The following SPATA25 variants were observed in gnomAD, a reference collection of about 807,000 sequenced individuals.
SPATA25 encodes the protein spermatogenesis-associated protein 25.
SPATA25 carries 16 observed loss-of-function variants against 16.0 expected under a neutral mutation model. That is an observed-to-expected ratio of 1.00 (90% CI 0.68 to 1.52). SPATA25 has a LOEUF of 1.52. Ranked by LOEUF, SPATA25 falls within the 40% of genes most tolerant of loss-of-function variation. The pLI is 0.00. For missense variants in SPATA25, 285 were observed against 289.2 expected, an observed-to-expected ratio of 0.99 and a Z score of 0.11; for synonymous variants, 115 against 118.5, an observed-to-expected ratio of 0.97 and a Z score of 0.19.
chr20:45,890,565 C>T (rs771490340), upstream of SPATA25: 5 of 1,611,772 alleles, frequency 3.1e-6, no homozygotes, highest in African/African-American at 6.7e-5. Flanking sequence ...TATGGTTCCA[C>T]GAGGAGGGTT....
chr20:45,887,533 C>A lies in SPATA25; in HGVS notation c.55+3G>T, dbSNP rs780712100. On this transcript the variant is annotated splice_donor_region_variant and intron_variant, in intron 1 of 1. Coordinates refer to ENST00000372519, the MANE Select transcript of SPATA25 (RefSeq NM_080608.4). Reference sequence around the variant, plus strand: ...CCTCCAATTGCAGGTGCCCCCCGCTCACCTTGGCCGGAAGGCAGAGGACCT... The same window carrying A: ...CCTCCAATTGCAGGTGCCCCCCGCTAACCTTGGCCGGAAGGCAGAGGACCT... 6.2e-7 allele frequency: 1 copy of A among 1,613,492 alleles called. No individual in the cohort carries two copies. Among genetic ancestry groups the A allele is most frequent in the Non-Finnish European group, 8.5e-7 (1 of 1,179,666 alleles).
upstream of SPATA25, chr20:45,890,466 A>G (rs1352496177): frequency 6.2e-7 from 1 of 1,602,684 alleles, no homozygotes; most frequent in African/African-American, 1.3e-5. Context: ...TTCAGCTCAT[A>G]GAGCTGGTCC....
chr20:45,890,711 G>A (rs759671206), upstream of SPATA25: 19 of 1,613,642 alleles, frequency 1.2e-5, no homozygotes, highest in Non-Finnish European at 1.5e-5. Context: ...GGGAACGGGG[G>A]CCAGACTGGC....
At chr20:45,887,309 C>T (rs1485480948) in intron 1 of SPATA25, among the ~76,000 whole-genome samples, 164 bp from the exon 2 acceptor site, 1 of 152,190 alleles carries the variant, frequency 6.6e-6, no homozygotes, top group African/African-American at 2.4e-5. Context: ...ACTCCCAGTC[C>T]CCAACACGGA....
chr20:45,890,240 G>C (rs780780687), upstream of SPATA25: 9 of 1,613,848 alleles, frequency 5.6e-6, no homozygotes, highest in East Asian at 2.0e-4. Flanking sequence ...CGCTGCCCAG[G>C]GATACCTACA....
At chr20:45,890,903 T>G, upstream of SPATA25, 1 of 1,556,314 alleles carries the variant, frequency 6.4e-7, no homozygotes, top group Non-Finnish European at 8.7e-7. Flanking sequence ...GTTGGCACCG[T>G]GCACCCGATG....
chr20:45,889,031 C>G, upstream of SPATA25: 1 of 746,812 alleles, frequency 1.3e-6, no homozygotes, highest in Non-Finnish European at 2.1e-6. Flanking sequence ...GAGAGAAGCA[C>G]CTCTTCCTGA....
chr20:45,888,654 G>C, upstream of SPATA25: 1 of 1,094,756 alleles, frequency 9.1e-7, no homozygotes, highest in South Asian at 1.4e-5. Context: ...AGCATCGGCT[G>C]TTTATTTCTG....
At chr20:45,890,376 T>C, upstream of SPATA25, 1 of 1,612,862 alleles carries the variant, frequency 6.2e-7, no homozygotes, top group East Asian at 2.2e-5. Flanking sequence ...TTGATGATGA[T>C]GTGCATGTCG....
rs757714647 is a variant in SPATA25 at position 45,887,596 on chromosome 20, C to T, written c.-6G>A. 20 of 1,612,974 alleles carry T rather than the reference C, an allele frequency of 1.2e-5. No homozygotes were observed. The highest frequency in any genetic ancestry group is 1.4e-5 in the Non-Finnish European group (17 of 1,179,386). On this transcript the variant is annotated 5_prime_UTR_variant, in exon 1 of 2. Coordinates refer to ENST00000372519, the MANE Select transcript of SPATA25 (RefSeq NM_080608.4). ...GGAGTCCTGAAGTAGGACATGGCTT[C>T]CCCAAAGCCCCGGTTTGTGAGGGAA...
chr20:45,887,441 A>C (rs1445676884), intron 1 of SPATA25, 95 bp downstream of exon 1: 1 of 1,245,670 alleles, frequency 8.0e-7, no homozygotes. Flanking sequence ...CCAGCCCCCA[A>C]ATGCCCAGCA....
At chr20:45,887,219 G>A in intron 1 of SPATA25, 74 bp from the exon 2 acceptor site, 2 of 1,509,614 alleles carry the variant, frequency 1.3e-6, no homozygotes. Context: ...CAGGGCATGG[G>A]AGCAGAGCTT....
At chr20:45,887,971 T>G (rs1166568145), upstream of SPATA25, among the ~76,000 whole-genome samples, 1 of 152,192 alleles carries the variant, frequency 6.6e-6, no homozygotes, top group East Asian at 1.9e-4. Context: ...GCTTCGTGCC[T>G]TGTAGAGTAA....
chr20:45,888,894 A>C, upstream of SPATA25: 1 of 1,613,878 alleles, frequency 6.2e-7, no homozygotes, highest in Non-Finnish European at 8.5e-7. Context: ...AAGACTGTGA[A>C]AGGCAAACTG....
chr20:45,890,580 G>A, upstream of SPATA25: 3 of 1,612,352 alleles, frequency 1.9e-6, no homozygotes, highest in Non-Finnish European at 2.5e-6. Flanking sequence ...AGGGTTGGAG[G>A]TCGGCTGGGG....
rs371518571 is a variant in SPATA25 at position 45,886,992 on chromosome 20, G to A, written c.209C>T (p.Ala70Val). 2.5e-6 allele frequency: 4 copies of A among 1,613,698 alleles called. No homozygotes were observed. The African/African-American group carries it at 4.0e-5, about 16-fold the overall frequency. ...AWGPALAMPQ[A>V]RGCPGGTSWE... The stretch of plus-strand genomic sequence containing the variant: ...GCTAGTCCCCCCAGGGCAGCCCCTG[G>A]CTTGTGGCATTGCCAGGGCTGGGCC... The change falls in exon 2 of 2, where the codon GCC (alanine) becomes GTC (valine). Residue 70 changes from alanine to valine, a missense_variant. Physicochemically the swap from Ala to Val is moderately conservative, Grantham distance 64. Transcript: ENST00000372519.
chr20:45,890,354 A>C (rs577241918), upstream of SPATA25: 20 of 1,612,738 alleles, frequency 1.2e-5, no homozygotes, highest in South Asian at 8.8e-5. Flanking sequence ...GCTCGGGCCC[A>C]TGTCCTCGCC....
At chr20:45,890,338 C>G (rs780499100), upstream of SPATA25, 2 of 1,613,030 alleles carry the variant, frequency 1.2e-6, no homozygotes, top group Non-Finnish European at 1.7e-6. Flanking sequence ...CTGGCAGTCC[C>G]CGGGCGCTCG....
At chr20:45,888,385 C>T (rs1473039373), upstream of SPATA25, among the ~76,000 whole-genome samples, 1 of 152,196 alleles carries the variant, frequency 6.6e-6, no homozygotes, top group Admixed American at 6.5e-5. Flanking sequence ...CTTCTCAACC[C>T]TGGCTGTACA....
Sources: gnomAD v4.1 joint callset for allele counts (sites outside exome capture counted in the v4.1 genomes callset) on GRCh38, gnomAD v4.1.1 for gene constraint, MANE v1.5 for transcripts, NCBI Gene and HGNC (gene_info 2026-07-23, HGNC 2026-07-21) for gene names.